The following JMJD1C variants were observed in gnomAD, a reference collection of about 807,000 sequenced individuals.
JMJD1C encodes the protein jumonji domain containing 1C.
A neutral mutation model predicts 245.3 loss-of-function variants in JMJD1C; 31 were observed. The observed-to-expected ratio is 0.13, with a 90% CI of 0.09 to 0.17. The LOEUF (loss-of-function observed/expected upper bound fraction) is 0.17, where lower values mean the gene tolerates loss of function less well. Among genes scored for constraint, JMJD1C ranks in the 10% least tolerant of loss-of-function variants. JMJD1C has a pLI of 1.00. For missense variants in JMJD1C, 2,691 were observed against 3,000.2 expected (o/e 0.90, Z 2.41); for synonymous variants, 1,057 against 1,017.4 (o/e 1.04, Z -0.74).
chr10:63,361,509 A>G (rs1177349576), intron 2 of JMJD1C, among the ~76,000 whole-genome samples: 1 of 152,184 alleles, frequency 6.6e-6, no homozygotes, highest in African/African-American at 2.4e-5. Context: ...AAAAAGAAAG[A>G]AAAGTCAGAT....
At chr10:63,396,252 A>T (rs1236851506) in intron 1 of JMJD1C, among the ~76,000 whole-genome samples, 1 of 152,130 alleles carries the variant, frequency 6.6e-6, no homozygotes, top group Admixed American at 6.6e-5. Context: ...GTTAAAGGGT[A>T]GAAGAATGAG....
upstream of JMJD1C, chr10:63,466,104 A>C (rs563138301): frequency 9.1e-4 from 172 of 188,568 alleles, no homozygotes; most frequent in Admixed American, 2.5e-3. Context: ...GGCCCTGCGG[A>C]GGCGGCAGCG....
intron 2 of JMJD1C, among the ~76,000 whole-genome samples, chr10:63,285,104 T>C (rs186308761): frequency 1.5e-4 from 23 of 152,222 alleles, no homozygotes; most frequent in Admixed American, 1.5e-3. Context: ...CACAACCAGT[T>C]TGTGACCAAA....
intron 1 of JMJD1C, among the ~76,000 whole-genome samples, chr10:63,435,853 C>T (rs551851787): frequency 4.1e-4 from 62 of 152,262 alleles, no homozygotes; most frequent in African/African-American, 1.5e-3. Flanking sequence ...GAGCCAAGAT[C>T]GCACCACTGC....
At chr10:63,409,582 C>G (rs1949368615) in intron 1 of JMJD1C, among the ~76,000 whole-genome samples, 2 of 152,096 alleles carry the variant, frequency 1.3e-5, no homozygotes, top group African/African-American at 4.8e-5. Flanking sequence ...CTGCAGACAT[C>G]TCTGGGTCAG....
chr10:63,407,346 A>G (rs148586678), intron 1 of JMJD1C, among the ~76,000 whole-genome samples: 2 of 152,362 alleles, frequency 1.3e-5, no homozygotes, highest in East Asian at 3.8e-4. Context: ...ACATAATGAA[A>G]TATGTCTAGG....
At chr10:63,400,110 A>AGTGGTT (rs1310881352) in intron 1 of JMJD1C, among the ~76,000 whole-genome samples, 1 of 152,202 alleles carries the variant, frequency 6.6e-6, no homozygotes, top group African/African-American at 2.4e-5. Flanking sequence ...TACCTACATA[A>AGTGGTT]TATCCCACTT....
intron 2 of JMJD1C, among the ~76,000 whole-genome samples, chr10:63,354,877 GT>G (rs1174474771): frequency 2.5e-5 from 3 of 120,770 alleles, no homozygotes; most frequent in Non-Finnish European, 5.0e-5. Flanking sequence ...AAAAAAAAAA[GT>G]CAGGCATGGT....
intron 2 of JMJD1C, among the ~76,000 whole-genome samples, chr10:63,376,426 C>A (rs1946748824): frequency 6.6e-6 from 1 of 152,044 alleles, no homozygotes; most frequent in Admixed American, 6.6e-5. Flanking sequence ...ACAAGTTGGG[C>A]TTCATCAAAA....
In JMJD1C at chr10:63,213,505, T is replaced by G. The variant is rs1847615363; in HGVS notation, c.2662A>C (p.Asn888His). The change falls in exon 8 of 26, where the codon AAT (asparagine) becomes CAT (histidine). Residue 888 changes from asparagine (N) to histidine (H), a missense_variant. Around this residue, in one of 9 missense-constraint regions of JMJD1C, gnomAD observed 1,562 missense variants for 1,490.7 expected, o/e 1.05. Transcript: ENST00000399262. ...LPSSKWVHPE[N>H]AVNAEASLRR... is the part of the protein sequence containing the mutation. The stretch of plus-strand genomic sequence containing the variant: ...AATGAAGCTTCAGCATTAACTGCAT[T>G]TTCTGGGTGAACCCACTTAGAAGAA... The G allele has an allele frequency of 6.2e-7, 1 of 1,603,668 alleles. No homozygotes were observed. The highest frequency in any genetic ancestry group is 1.3e-5 in the African/African-American group (1 of 74,750).
chr10:63,521,439 C>T, intron 1 of JMJD1C: 1 of 575,050 alleles, frequency 1.7e-6, no homozygotes. Context: ...CAGCGCGGCC[C>T]CGGGGAGCGC....
At chr10:63,332,148 A>G (rs761790842) in intron 2 of JMJD1C, among the ~76,000 whole-genome samples, 1 of 152,216 alleles carries the variant, frequency 6.6e-6, no homozygotes, top group African/African-American at 2.4e-5. Flanking sequence ...CTATATTAAC[A>G]TTGACTAGAT....
At chr10:63,298,145 C>T (rs528657744) in intron 2 of JMJD1C, among the ~76,000 whole-genome samples, 2 of 152,326 alleles carry the variant, frequency 1.3e-5, no homozygotes, top group African/African-American at 4.8e-5. Flanking sequence ...TGATTGGACC[C>T]TGTGCTTGCC....
chr10:63,191,991 A>C (rs1844876133), intron 16 of JMJD1C, among the ~76,000 whole-genome samples: 3 of 112,160 alleles, frequency 2.7e-5, no homozygotes, highest in South Asian at 3.4e-4. Context: ...CTCAAAAAAA[A>C]AAAAAAAAAA....
At chr10:63,230,959 A>G (rs1849905673) in intron 3 of JMJD1C, among the ~76,000 whole-genome samples, 1 of 152,196 alleles carries the variant, frequency 6.6e-6, no homozygotes, top group African/African-American at 2.4e-5. Flanking sequence ...TCTGTACAAC[A>G]CATAATATAA....
intron 2 of JMJD1C, among the ~76,000 whole-genome samples, chr10:63,341,725 G>A (rs1421138143): frequency 6.6e-6 from 1 of 152,152 alleles, no homozygotes; most frequent in African/African-American, 2.4e-5. Context: ...TAATGTTCGT[G>A]TCATGTACTT....
intron 5 of JMJD1C, 35 bp downstream of exon 5, chr10:63,217,172 A>C: frequency 6.3e-7 from 1 of 1,579,050 alleles, no homozygotes; most frequent in South Asian, 1.2e-5. Flanking sequence ...TTGAACTTTT[A>C]AAATCTCTAT....
In JMJD1C at chr10:63,208,346, G is replaced by A. The variant is rs1589150243; in HGVS notation, c.3323C>T (p.Ser1108Leu). Residue 1108 changes from serine to leucine, a missense_variant, in exon 10 of 26, where the codon TCA becomes TTA. Coordinates refer to ENST00000399262, the MANE Select transcript of JMJD1C (RefSeq NM_032776.3). ...ATTTGAAACTTCTTTGGATGGGTATGATCTTGGTGGTTCATTGACCACACT... is the reference window on the plus strand; with the variant it reads ...ATTTGAAACTTCTTTGGATGGGTATAATCTTGGTGGTTCATTGACCACACT... ...SNSVVNEPPR[S>L]YPSKEVSNIY... 2 of 1,614,002 alleles carry A rather than the reference G, an allele frequency of 1.2e-6. No individual in the cohort carries two copies. The highest frequency in any genetic ancestry group is 2.2e-5 in the East Asian group (1 of 44,878).
intron 2 of JMJD1C, among the ~76,000 whole-genome samples, chr10:63,320,490 G>A (rs1940720442): frequency 6.6e-6 from 1 of 152,024 alleles, no homozygotes; most frequent in Non-Finnish European, 1.5e-5. Context: ...CAGCCCCATT[G>A]AGCTCAAGAC....
Sources: allele counts gnomAD v4.1 joint callset (sites outside exome capture counted in the v4.1 genomes callset), GRCh38; gene constraint gnomAD v4.1.1; regional missense constraint gnomAD v4.1.1; transcripts MANE v1.5; gene names NCBI Gene and HGNC (gene_info 2026-07-23, HGNC 2026-07-21).